Variants in FANCD2 observed in about 807,000 individuals in gnomAD.
The protein encoded by FANCD2 is Fanconi anemia group D2 protein.
In FANCD2, 131 loss-of-function variants were observed where a neutral mutation model predicts 192.3. The ratio of observed to expected loss-of-function variants is 0.68; its 90% CI spans 0.59 to 0.79. The LOEUF (loss-of-function observed/expected upper bound fraction) is 0.79, where lower values mean the gene tolerates loss of function less well. FANCD2 is among the 30% of genes least tolerant of loss of function. The pLI is 0.00. For missense variants in FANCD2, 1,508 were observed against 1,701.6 expected (o/e 0.89, Z 2.00); for synonymous variants, 524 against 612.5 (o/e 0.86, Z 2.13).
intron 39 of FANCD2, among the ~76,000 whole-genome samples, chr3:10,093,713 CTT>C (rs1694788417): frequency 6.6e-6 from 1 of 152,154 alleles, no homozygotes; most frequent in African/African-American, 2.4e-5. Context: ...CCAAACTTCT[CTT>C]TTGTGGGAAT....
At chr3:10,049,279 C>G in intron 16 of FANCD2, 95 bp from the exon 17 acceptor site, 1 of 1,294,258 alleles carries the variant, frequency 7.7e-7, no homozygotes, top group Non-Finnish European at 1.1e-6. Context: ...GTGATTTTAA[C>G]AAAGTAGAGA....
chr3:10,039,407 T>C (rs2086808945), intron 8 of FANCD2, 50 bp downstream of exon 8: 1 of 1,449,098 alleles, frequency 6.9e-7, no homozygotes, highest in Non-Finnish European at 9.7e-7. Context: ...GTTTCTCATA[T>C]CTTTTGGAGG....
Position 10,028,394 on chromosome 3 carries a change from C to T in FANCD2, c.-33-231C>T, listed in dbSNP as rs1245681656. On this transcript the variant is annotated intron_variant, in intron 1 of 43. Transcript: ENST00000675286. ...CAGATGGAGAGTGATGGGTTTTATC[C>T]TTCAGCAACAGCGAAGTAGTCTGCC... is the stretch of plus-strand genomic sequence containing the variant. Among the ~76,000 whole-genome samples the T allele has an allele frequency of 2.6e-5, 4 of 152,134 alleles. No homozygotes were observed. In the East Asian group the frequency reaches 7.7e-4, roughly 29 times the overall value.
chr3:10,062,898 G>A (rs568974390), intron 20 of FANCD2, among the ~76,000 whole-genome samples: 104 of 152,000 alleles, frequency 6.8e-4, no homozygotes, highest in African/African-American at 2.3e-3. Context: ...TTGGGGTTTC[G>A]CTATGTTGAC....
At chr3:10,072,765 T>G in intron 26 of FANCD2, 106 bp from the exon 27 acceptor site, 1 of 738,746 alleles carries the variant, frequency 1.4e-6, no homozygotes, top group African/African-American at 1.7e-5. Context: ...CAGCCATGCT[T>G]GGTAATTTTG....
At position 10,032,930 on chromosome 3, in the gene FANCD2, T is replaced by G. The variant is rs1005274331; in HGVS notation, c.163T>G (p.Ser55Ala). 1 of 1,592,470 alleles carries G rather than the reference T, an allele frequency of 6.3e-7. No individual in the cohort carries two copies. The highest frequency in any genetic ancestry group is 8.6e-7 in the Non-Finnish European group (1 of 1,160,526). Residue 55 changes from serine (S) to alanine (A), a missense_variant, in exon 3 of 44, where the codon TCA becomes GCA. Ser to Ala is a moderately conservative substitution (Grantham distance 99). Transcript: ENST00000675286. Reference protein sequence around the residue: ...DSIFVKLLKISGIILKTGESQ... With the variant: ...DSIFVKLLKIAGIILKTGESQ... Reference sequence around the variant, plus strand: ...CATCTTTGTAAAGCTTCTTAAGATATCAGGAATTATTCTTAAAACGGGAGA... The same window carrying G: ...CATCTTTGTAAAGCTTCTTAAGATAGCAGGAATTATTCTTAAAACGGGAGA...
chr3:10,076,643 A>T lies in FANCD2; in HGVS notation c.2860-1438A>T, dbSNP rs189210051. Among the ~76,000 whole-genome samples the T allele has an allele frequency of 1.3e-4, 20 of 152,264 alleles. No homozygotes were observed. In the East Asian group the frequency reaches 3.9e-3, roughly 29 times the overall value. On this transcript the variant is annotated intron_variant, in intron 29 of 43. Coordinates refer to ENST00000675286, the MANE Select transcript of FANCD2 (RefSeq NM_001018115.3). ...CTGCAACCTTGAACTCCTGGGTTCA[A>T]GGATCAAGTGATCCTCCCACCTCAG...
intron 26 of FANCD2, among the ~76,000 whole-genome samples, chr3:10,072,484 G>A (rs1018796651): frequency 6.6e-6 from 1 of 152,062 alleles, no homozygotes; most frequent in African/African-American, 2.4e-5. Context: ...TCACCATGTT[G>A]GCCAGGCTGG....
At chr3:10,040,882 CT>C (rs111812387) in intron 9 of FANCD2, 10,651 of 166,496 alleles carry the variant, frequency 0.064, 222 homozygotes, top group South Asian at 0.12. Context: ...TTTGTATAGT[CT>C]TTTTTTTTTT....
chr3:10,088,007 G>A (rs1377550356), intron 34 of FANCD2, among the ~76,000 whole-genome samples: 1 of 152,136 alleles, frequency 6.6e-6, no homozygotes, highest in African/African-American at 2.4e-5. Context: ...ATCCTAGTTG[G>A]CAGCACATCA....
chr3:10,085,981 G>A, intron 33 of FANCD2, 59 bp downstream of exon 33: 1 of 1,186,244 alleles, frequency 8.4e-7, no homozygotes, highest in Non-Finnish European at 1.3e-6. Context: ...GAACAGGATT[G>A]GCAACTTTCT....
At chr3:10,075,512 A>C (rs1334561960) in intron 29 of FANCD2, among the ~76,000 whole-genome samples, 4 of 152,190 alleles carry the variant, frequency 2.6e-5, no homozygotes, top group Non-Finnish European at 4.4e-5. Context: ...CAAATACGGC[A>C]TTAATGGTCT....
chr3:10,054,483 T>TTTG, intron 18 of FANCD2, among the ~76,000 whole-genome samples: 1 of 59,562 alleles, frequency 1.7e-5, no homozygotes, highest in Non-Finnish European at 3.3e-5. Context: ...ATTTTTTTTT[T>TTTG]TTTTTTTTTT....
intron 37 of FANCD2, 49 bp from the exon 38 acceptor site, chr3:10,092,132 G>C (rs760997218): frequency 8.4e-7 from 1 of 1,191,556 alleles, no homozygotes; most frequent in Non-Finnish European, 1.3e-6. Context: ...TACAGTAAGG[G>C]AAGTATTTGG....
At chr3:10,029,165 A>G (rs1390366833) in intron 2 of FANCD2, among the ~76,000 whole-genome samples, 2 of 152,194 alleles carry the variant, frequency 1.3e-5, no homozygotes, top group Non-Finnish European at 2.9e-5. Context: ...GACTCTGCCC[A>G]TATGAGAAAT....
At chr3:10,051,286 C>A (rs1487872832) in intron 17 of FANCD2, among the ~76,000 whole-genome samples, 1 of 144,838 alleles carries the variant, frequency 6.9e-6, no homozygotes, top group Non-Finnish European at 1.5e-5. Flanking sequence ...GAGGCTGAGG[C>A]AGGAGAATGG....
chr3:10,082,645 C>G (rs1693914614), intron 32 of FANCD2, among the ~76,000 whole-genome samples: 1 of 152,100 alleles, frequency 6.6e-6, no homozygotes, highest in Admixed American at 6.5e-5. Flanking sequence ...GCCAGGACCC[C>G]CACTCTTCTT....
At chr3:10,066,516 A>G (rs1430392304) in intron 25 of FANCD2, among the ~76,000 whole-genome samples, 1 of 152,184 alleles carries the variant, frequency 6.6e-6, no homozygotes, top group Non-Finnish European at 1.5e-5. Flanking sequence ...GGGAGTTCAA[A>G]GTCATTAAAA....
At chr3:10,032,560 G>C in intron 2 of FANCD2, 1 of 381,858 alleles carries the variant, frequency 2.6e-6, no homozygotes, top group Non-Finnish European at 4.9e-6. Flanking sequence ...TCCTGCCTTG[G>C]CCTCCTAATT....
Sources: gnomAD v4.1 joint callset for allele counts (sites outside exome capture counted in the v4.1 genomes callset) on GRCh38, gnomAD v4.1.1 for gene constraint, MANE v1.5 for transcripts, NCBI Gene and HGNC (gene_info 2026-07-23, HGNC 2026-07-21) for gene names.